The following CDH18 variants were observed in gnomAD, a reference collection of about 807,000 sequenced individuals.
CDH18 encodes cadherin-18.
CDH18 carries 31 observed loss-of-function variants against 67.9 expected under a neutral mutation model. The ratio of observed to expected loss-of-function variants is 0.46; its 90% CI spans 0.34 to 0.62. CDH18 has a LOEUF of 0.62. Ranked by LOEUF, CDH18 falls within the 20% of genes least tolerant of loss-of-function variation. The probability of loss-of-function intolerance (pLI) is 0.01; values close to 1 mark genes in which losing one functional copy is unlikely to be tolerated. For missense variants in CDH18, 890 were observed against 975.5 expected (o/e 0.91, Z 1.17); for synonymous variants, 362 against 347.2 (o/e 1.04, Z -0.48).
At chr5:19,679,012 C>A (rs562545335) in intron 5 of CDH18, among the ~76,000 whole-genome samples, 1 of 152,014 alleles carries the variant, frequency 6.6e-6, no homozygotes, top group South Asian at 2.1e-4. Flanking sequence ...AAACATGAGA[C>A]CAATATCCTT....
intron 2 of CDH18, among the ~76,000 whole-genome samples, chr5:20,010,633 T>C (rs1737351950): frequency 6.6e-6 from 1 of 152,180 alleles, no homozygotes; most frequent in African/African-American, 2.4e-5. Context: ...ATTTGAATTT[T>C]CTGTAACATT....
At chr5:19,662,817 T>C (rs1757370191) in intron 5 of CDH18, among the ~76,000 whole-genome samples, 1 of 152,060 alleles carries the variant, frequency 6.6e-6, no homozygotes, top group Non-Finnish European at 1.5e-5. Flanking sequence ...GTACCAATTC[T>C]TTCATTTCCA....
rs1567302 is a variant in CDH18, at chr5:20,459,303, A to G, written c.-580+116159T>C. On this transcript the variant is annotated intron_variant, in intron 1 of 14. Transcript: ENST00000507958. ...ATTTTTATGTTTCCTGTGGCCTTCC[A>G]TAACACAATGATGTGCAATTCCTTG... Among the ~76,000 whole-genome samples the G allele has an allele frequency of 4.1e-3, 631 of 152,324 alleles. 3 individuals are homozygous for G. Among genetic ancestry groups the G allele is most frequent in the African/African-American group, 0.014 (572 of 41,568 alleles).
At chr5:20,503,808 C>T (rs562130236) in intron 1 of CDH18, among the ~76,000 whole-genome samples, 6 of 152,144 alleles carry the variant, frequency 3.9e-5, no homozygotes, top group South Asian at 2.1e-4. Context: ...GAGGCTGAGG[C>T]GGGTGGATTA....
chr5:20,417,445 T>C (rs1264774673), intron 1 of CDH18, among the ~76,000 whole-genome samples: 1 of 152,194 alleles, frequency 6.6e-6, no homozygotes, highest in Admixed American at 6.5e-5. Flanking sequence ...AATATATATT[T>C]ATGCTTTTAG....
chr5:20,469,987 A>G (rs1411890387), intron 1 of CDH18, among the ~76,000 whole-genome samples: 4 of 152,030 alleles, frequency 2.6e-5, no homozygotes, highest in African/African-American at 9.7e-5. Context: ...GATAGTCATA[A>G]CCTAGATCCT....
At chr5:20,535,906 A>G (rs2126569530) in intron 1 of CDH18, among the ~76,000 whole-genome samples, 1 of 152,188 alleles carries the variant, frequency 6.6e-6, no homozygotes. Context: ...ATGTTTCCTA[A>G]TTCAACCAGA....
intron 5 of CDH18, among the ~76,000 whole-genome samples, chr5:19,645,004 T>A (rs1002871895): frequency 1.3e-5 from 2 of 152,192 alleles, no homozygotes; most frequent in Admixed American, 1.3e-4. Flanking sequence ...TCTCCTTGTC[T>A]TTCACCTTTC....
chr5:20,029,033 T>C (rs1446013741), intron 2 of CDH18, among the ~76,000 whole-genome samples: 1 of 152,092 alleles, frequency 6.6e-6, no homozygotes, highest in African/African-American at 2.4e-5. Context: ...AATAATCTTT[T>C]GGATCCAAGG....
At chr5:19,647,287 C>T (rs1354734607) in intron 5 of CDH18, among the ~76,000 whole-genome samples, 2 of 151,642 alleles carry the variant, frequency 1.3e-5, no homozygotes, top group Admixed American at 6.6e-5. Flanking sequence ...CTTTGGTAGG[C>T]CGAAGCAGGC....
At chr5:19,990,193 G>T (rs958466417), upstream of CDH18, among the ~76,000 whole-genome samples, 12 of 152,130 alleles carry the variant, frequency 7.9e-5, no homozygotes, top group Admixed American at 2.6e-4. Context: ...GATAGAAAAA[G>T]AAACTTTAAG....
intron 2 of CDH18, among the ~76,000 whole-genome samples, chr5:20,132,026 T>C (rs964328138): frequency 8.5e-5 from 13 of 152,126 alleles, no homozygotes; most frequent in African/African-American, 2.7e-4. Context: ...TAGCTGAGAT[T>C]ACAGGCAGGC....
intron 1 of CDH18, among the ~76,000 whole-genome samples, chr5:20,539,533 G>C (rs1561109654): frequency 6.6e-6 from 1 of 152,066 alleles, no homozygotes; most frequent in South Asian, 2.1e-4. Flanking sequence ...AACAAGAAAT[G>C]GGTTGTTATA....
chr5:19,774,859 T>A (rs1385356434), intron 3 of CDH18, among the ~76,000 whole-genome samples: 3 of 112,444 alleles, frequency 2.7e-5, no homozygotes, highest in African/African-American at 3.2e-5. Context: ...AGGCCAAGAC[T>A]GCCATGGGAG....
intron 12 of CDH18, among the ~76,000 whole-genome samples, chr5:19,478,019 C>A (rs942980805): frequency 2.0e-5 from 3 of 152,014 alleles, no homozygotes; most frequent in Non-Finnish European, 4.4e-5. Flanking sequence ...GTGAGATTAT[C>A]ATTTTATATT....
chr5:20,241,927 T>A (rs1016724422), intron 2 of CDH18, among the ~76,000 whole-genome samples: 1 of 146,266 alleles, frequency 6.8e-6, no homozygotes, highest in Admixed American at 6.8e-5. Context: ...TCAGAGGCAC[T>A]GTGCAAACTC....
chr5:19,589,315 C>T (rs1252750364), intron 7 of CDH18, among the ~76,000 whole-genome samples: 1 of 152,096 alleles, frequency 6.6e-6, no homozygotes, highest in Non-Finnish European at 1.5e-5. Context: ...TCAATGCCAA[C>T]ATTCTCTCCT....
intron 2 of CDH18, among the ~76,000 whole-genome samples, chr5:20,062,569 A>G (rs914026694): frequency 3.9e-5 from 6 of 152,198 alleles, no homozygotes; most frequent in African/African-American, 1.4e-4. Context: ...TTTATTATGC[A>G]TGATAACCAG....
intron 1 of CDH18, among the ~76,000 whole-genome samples, chr5:20,472,232 G>A (rs1752141576): frequency 6.6e-6 from 1 of 152,168 alleles, no homozygotes; most frequent in South Asian, 2.1e-4. Context: ...AGAGGTCTGG[G>A]TTTATGAAGT....
Sources: gnomAD v4.1 joint callset for allele counts (sites outside exome capture counted in the v4.1 genomes callset) on GRCh38, gnomAD v4.1.1 for gene constraint, MANE v1.5 for transcripts, NCBI Gene and HGNC (gene_info 2026-07-23, HGNC 2026-07-21) for gene names.